Variants in UBAP2 observed in about 807,000 individuals in gnomAD.
The protein encoded by UBAP2 is ubiquitin-associated protein 2.
A neutral mutation model predicts 139.6 loss-of-function variants in UBAP2; 75 were observed. The ratio of observed to expected loss-of-function variants is 0.54; its 90% CI spans 0.45 to 0.65. The LOEUF (loss-of-function observed/expected upper bound fraction) is 0.65, where lower values mean the gene tolerates loss of function less well. Ranked by LOEUF, UBAP2 falls within the 30% of genes least tolerant of loss-of-function variation. UBAP2 has a pLI of 0.00. For synonymous variants in UBAP2, 526 were observed against 526.2 expected (o/e 1.00, Z 0.01); for missense variants, 1,368 against 1,369.6 (o/e 1.00, Z 0.02).
chr9:34,034,130 T>C (rs1390582874), intron 1 of UBAP2, among the ~76,000 whole-genome samples: 1 of 152,204 alleles, frequency 6.6e-6, no homozygotes, highest in African/African-American at 2.4e-5. Flanking sequence ...GGCACTCAAA[T>C]GTCACAAATT....
At chr9:34,047,922 A>T (rs1251191136) in intron 1 of UBAP2, among the ~76,000 whole-genome samples, 1 of 152,230 alleles carries the variant, frequency 6.6e-6, no homozygotes, top group African/African-American at 2.4e-5. Flanking sequence ...CTTGAATGTG[A>T]GGTAAAAACA....
chr9:33,928,228 A>C, intron 19 of UBAP2: 2 of 453,868 alleles, frequency 4.4e-6, no homozygotes, highest in Non-Finnish European at 7.7e-6. Context: ...AAAACTATTA[A>C]CATTAAGCTT....
In UBAP2 at chr9:33,927,900, G is replaced by A; in HGVS notation, c.2268C>T (p.Ala756=). 2 of 1,614,268 alleles carry A rather than the reference G, an allele frequency of 1.2e-6. No homozygotes were observed. The highest frequency in any genetic ancestry group is 1.7e-6 in the Non-Finnish European group (2 of 1,180,046). The change falls in exon 20 of 29, where the codon GCC becomes GCT. Residue 756 remains alanine, a synonymous_variant. Coordinates refer to ENST00000379238, the MANE Select transcript of UBAP2 (RefSeq NM_001370062.2). ...CGGTGTTCATGCTACTGGACAGGCT[G>A]GCGCCTGAGGATGCGGAACTTGAGA... is the stretch of plus-strand genomic sequence containing the variant. The part of the protein sequence containing the change: ...TSVSSSASSG[A]SLSSSMNTAN...
chr9:33,985,852 T>C (rs528564194), intron 6 of UBAP2, among the ~76,000 whole-genome samples: 5 of 151,874 alleles, frequency 3.3e-5, no homozygotes, highest in Admixed American at 6.6e-5. Context: ...TAAAACCCCA[T>C]GTCTAGCAAA....
chr9:33,982,428 T>A (rs1028080350), intron 6 of UBAP2, among the ~76,000 whole-genome samples: 1 of 151,986 alleles, frequency 6.6e-6, no homozygotes, highest in African/African-American at 2.4e-5. Flanking sequence ...CCAAAACAAA[T>A]AAAAAATAGG....
At position 33,971,742 on chromosome 9, in the gene UBAP2, A is replaced by C; in HGVS notation, c.588T>G (p.Pro196=). Residue 196 remains proline (P), a synonymous_variant, in exon 8 of 29, where the codon CCT becomes CCG. Coordinates refer to ENST00000379238, the MANE Select transcript of UBAP2 (RefSeq NM_001370062.2). The part of the protein sequence containing the change: ...FSTQGMGTFN[P]ADYSDSTSTD... Reference sequence around the variant, plus strand: ...TAGATGTAGAATCTGAATAGTCTGCAGGATTAAATGTCCTGGGGTTTGAAA... The same window carrying C: ...TAGATGTAGAATCTGAATAGTCTGCCGGATTAAATGTCCTGGGGTTTGAAA... The C allele has an allele frequency of 6.2e-7, 1 of 1,601,804 alleles. No homozygotes were observed. The highest frequency in any genetic ancestry group is 8.6e-7 in the Non-Finnish European group (1 of 1,168,904).
intron 1 of UBAP2, among the ~76,000 whole-genome samples, chr9:34,020,247 C>T (rs1231489991): frequency 2.0e-5 from 3 of 151,928 alleles, no homozygotes; most frequent in African/African-American, 4.8e-5. Context: ...TCCATCTCCA[C>T]ATCTGTCCCA....
At chr9:33,962,988 T>C (rs971786239) in intron 9 of UBAP2, among the ~76,000 whole-genome samples, 3 of 151,186 alleles carry the variant, frequency 2.0e-5, no homozygotes, top group South Asian at 4.2e-4. Context: ...TCAAAAAAAA[T>C]AAATAAAAAT....
At chr9:34,003,145 A>G (rs1458551439) in intron 2 of UBAP2, among the ~76,000 whole-genome samples, 1 of 149,364 alleles carries the variant, frequency 6.7e-6, no homozygotes, top group East Asian at 2.0e-4. Context: ...TCCGCCTCTT[A>G]GGTTCAAACA....
chr9:33,955,345 C>T (rs1826462379), intron 11 of UBAP2, among the ~76,000 whole-genome samples: 1 of 151,362 alleles, frequency 6.6e-6, no homozygotes, highest in Admixed American at 6.6e-5. Context: ...ATGGTGAAAC[C>T]CCGTCTCCAC....
At position 33,953,468 on chromosome 9, in the gene UBAP2, A is replaced by T. The variant is rs1046877145; in HGVS notation, c.873T>A (p.Asp291Glu). 6.2e-7 allele frequency: 1 copy of T among 1,613,818 alleles called. No individual in the cohort carries two copies. The change falls in exon 12 of 29, where the codon GAT (aspartate) becomes GAA (glutamate). Residue 291 changes from aspartate to glutamate, a missense_variant. Transcript: ENST00000379238. ...CAGGCTTCTGGAGCAAGGCTACCAG[A>T]TCAATGCTAAGCAGACAAAAAGCAA... The part of the protein sequence containing the change: ...ENHILPGQSI[D>E]LVALLQKPVP...
intron 10 of UBAP2, among the ~76,000 whole-genome samples, chr9:33,957,827 G>A (rs1206876460): frequency 6.6e-6 from 1 of 152,128 alleles, no homozygotes; most frequent in Non-Finnish European, 1.5e-5. Flanking sequence ...GTAAGCAGGA[G>A]GTAGAGGAGA....
In UBAP2 at chr9:33,996,245, A is replaced by G. The variant is rs780652449; in HGVS notation, c.266T>C (p.Leu89Ser). The G allele has an allele frequency of 6.2e-7, 1 of 1,612,790 alleles. No homozygotes were observed. The change falls in exon 4 of 29, where the codon TTG becomes TCG. Residue 89 changes from leucine (L) to serine (S), a missense_variant. Physicochemically the swap from Leu to Ser is moderately radical, Grantham distance 145. Transcript: ENST00000379238. The part of the protein sequence containing the change: ...NGDVNKAINI[L>S]LEGNSDTTSW... Reference sequence around the variant, plus strand: ...TACTGTGTCTGAATTCCCTTCCAGCAATATATTGATAGCTTTGTTCACATC... The same window carrying G: ...TACTGTGTCTGAATTCCCTTCCAGCGATATATTGATAGCTTTGTTCACATC...
chr9:34,036,599 C>T (rs1329328731), intron 1 of UBAP2, among the ~76,000 whole-genome samples: 2 of 152,152 alleles, frequency 1.3e-5, no homozygotes, highest in African/African-American at 4.8e-5. Context: ...ATGTAAGCAA[C>T]TGAAGATCAG....
chr9:33,945,209 CA>C (rs1287923962), intron 13 of UBAP2, among the ~76,000 whole-genome samples: 3 of 150,940 alleles, frequency 2.0e-5, no homozygotes, highest in Non-Finnish European at 4.4e-5. Flanking sequence ...TTACAAAATC[CA>C]AAAGATGGCT....
Position 33,989,089 on chromosome 9 carries a change from A to G in UBAP2, c.326T>C (p.Phe109Ser). The G allele has an allele frequency of 1.9e-6, 3 of 1,613,798 alleles. No individual in the cohort carries two copies. Among genetic ancestry groups the G allele is most frequent in the Non-Finnish European group, 1.7e-6 (2 of 1,179,950 alleles). The change falls in exon 5 of 29, where the codon TTT becomes TCT. Residue 109 changes from phenylalanine (F) to serine (S), a missense_variant. Phe to Ser is a radical substitution (Grantham distance 155). Transcript: ENST00000379238. Reference sequence around the variant, plus strand: ...TTTGTTTTCTGAATTTTCTTTTGCAAAATTCTTTTTCTTACACCCTACAGT... The same window carrying G: ...TTTGTTTTCTGAATTTTCTTTTGCAGAATTCTTTTTCTTACACCCTACAGT... Reference protein sequence around the residue: ...WETVGCKKKNFAKENSENKEN... With the variant: ...WETVGCKKKNSAKENSENKEN...
rs758565544 is a variant in UBAP2 at position 33,979,271 on chromosome 9, G to A, written c.521-6034C>T. Among the ~76,000 whole-genome samples the A allele has an allele frequency of 3.3e-5, 5 of 152,232 alleles. No homozygotes were observed. In the East Asian group the frequency reaches 7.7e-4, roughly 23 times the overall value. On this transcript the variant is annotated intron_variant, in intron 6 of 28. Coordinates refer to ENST00000379238, the MANE Select transcript of UBAP2 (RefSeq NM_001370062.2). ...GAAACTATAGTTCACTACCTTACTT[G>A]ACTCAATCTCACCAAAAGACCAAAA...
At chr9:33,931,104 C>A (rs1048997100) in intron 19 of UBAP2, among the ~76,000 whole-genome samples, 4 of 152,166 alleles carry the variant, frequency 2.6e-5, no homozygotes, top group African/African-American at 9.7e-5. Context: ...CTGAACAACA[C>A]AGGCTTGAAA....
intron 19 of UBAP2, 37 bp from the exon 20 acceptor site, chr9:33,928,029 G>A: frequency 6.3e-7 from 1 of 1,581,604 alleles, no homozygotes; most frequent in South Asian, 1.2e-5. Flanking sequence ...GGATCTGGAG[G>A]CAGAGGAGGA....
Sources: allele counts gnomAD v4.1 joint callset (sites outside exome capture counted in the v4.1 genomes callset), GRCh38; gene constraint gnomAD v4.1.1; transcripts MANE v1.5; gene names NCBI Gene and HGNC (gene_info 2026-07-23, HGNC 2026-07-21).